The following ARHGEF4 variants were observed in gnomAD, a reference collection of about 807,000 sequenced individuals.
The protein encoded by ARHGEF4 is Rho guanine nucleotide exchange factor 4, also known as APC-stimulated guanine nucleotide exchange factor 1.
ARHGEF4 carries 119 observed loss-of-function variants against 162.0 expected under a neutral mutation model. That is an observed-to-expected ratio of 0.73 (90% CI 0.63 to 0.86). The LOEUF (loss-of-function observed/expected upper bound fraction) is 0.86. Among genes scored for constraint, ARHGEF4 ranks in the 40% least tolerant of loss-of-function variants. ARHGEF4 has a pLI of 0.00. For synonymous variants in ARHGEF4, 1,014 were observed against 979.9 expected (o/e 1.03, Z -0.65); for missense variants, 2,488 against 2,456.0 (o/e 1.01, Z -0.28).
At chr2:130,921,552 A>G (rs189461057) in intron 2 of ARHGEF4, among the ~76,000 whole-genome samples, 13 of 152,286 alleles carry the variant, frequency 8.5e-5, no homozygotes, top group African/African-American at 2.9e-4. Context: ...TCTCATTAGG[A>G]GTATCCTTTG....
chr2:130,998,455 T>TCC (rs1687547075), intron 4 of ARHGEF4, among the ~76,000 whole-genome samples: 1 of 152,178 alleles, frequency 6.6e-6, no homozygotes, highest in East Asian at 1.9e-4. Context: ...GCCCTAATGA[T>TCC]CCCCTGCACT....
chr2:130,991,607 T>C (rs1686984313), intron 4 of ARHGEF4, among the ~76,000 whole-genome samples: 2 of 152,120 alleles, frequency 1.3e-5, no homozygotes, highest in Non-Finnish European at 2.9e-5. Context: ...CTGCAGAGGG[T>C]GTACTGGGTT....
At chr2:130,844,415 CA>C (rs1307071669) in intron 1 of ARHGEF4, among the ~76,000 whole-genome samples, 3 of 152,226 alleles carry the variant, frequency 2.0e-5, no homozygotes, top group Non-Finnish European at 4.4e-5. Context: ...TGGCCAGATG[CA>C]AACCCCGGCA....
chr2:131,012,366 C>G (rs2105334827), intron 4 of ARHGEF4, among the ~76,000 whole-genome samples: 2 of 152,278 alleles, frequency 1.3e-5, no homozygotes, highest in South Asian at 4.1e-4. Context: ...CCTAGAGCTT[C>G]CTTTGACCAC....
At chr2:130,958,294 G>A (rs1271088964) in intron 4 of ARHGEF4, among the ~76,000 whole-genome samples, 1 of 152,148 alleles carries the variant, frequency 6.6e-6, no homozygotes, top group East Asian at 1.9e-4. Context: ...TGTAAAGGGG[G>A]AGAGGGGAAT....
At chr2:130,882,135 T>A (rs1679234170) in intron 1 of ARHGEF4, among the ~76,000 whole-genome samples, 1 of 152,208 alleles carries the variant, frequency 6.6e-6, no homozygotes, top group South Asian at 2.1e-4. Context: ...TATTCTCAGC[T>A]CCTTTCACAA....
chr2:130,841,740 G>A lies in ARHGEF4; in HGVS notation c.39+4748G>A, dbSNP rs193238621. Among the ~76,000 whole-genome samples the A allele has an allele frequency of 1.4e-4, 22 of 152,292 alleles. No homozygotes were observed. In the East Asian group the frequency reaches 4.1e-3, roughly 28 times the overall value. ...TCCTTTTGGCTCCCCTGGAGACATG[G>A]TTAGGGATGTTGTACAGGTTGCTCT... On this transcript the variant is annotated intron_variant, in intron 1 of 13. Coordinates refer to ENST00000409359, the MANE Select transcript of ARHGEF4 (RefSeq NM_001367493.1).
chr2:131,047,222 T>C lies in ARHGEF4; in HGVS notation c.*1033T>C, dbSNP rs1691330195. 1 of 152,242 alleles carries C rather than the reference T, an allele frequency of 6.6e-6. No homozygotes were observed. The highest frequency in any genetic ancestry group is 1.5e-5 in the Non-Finnish European group (1 of 68,044). 9.4% of individuals were successfully genotyped at this position (152,242 alleles called of 1,614,324 possible). On this transcript the variant is annotated 3_prime_UTR_variant, in exon 14 of 14. Coordinates refer to ENST00000409359, the MANE Select transcript of ARHGEF4 (RefSeq NM_001367493.1). ...TTCCTTCTCCAAGCCAGAAACCACA[T>C]TTAATTTCATAAATAAATTTATGAA... is the stretch of plus-strand genomic sequence containing the variant.
intron 1 of ARHGEF4, among the ~76,000 whole-genome samples, chr2:130,877,255 T>A (rs184539016): frequency 0.012 from 1,863 of 152,140 alleles, 19 homozygotes; most frequent in Non-Finnish European, 0.02. Context: ...TGTGCTTTTT[T>A]AAAAAAAATC....
At position 131,044,314 on chromosome 2, in the gene ARHGEF4, G is replaced by A. The variant is rs767784717; in HGVS notation, c.5173G>A (p.Asp1725Asn). ...CATCTGGCAGGACCTGCTCCGCCGC[G>A]ACGTGTTGTACTACAAGGGCCGGCT... ...IYCKKDLLRR[D>N]VLYYKGRLDM... The change falls in exon 12 of 14, where the codon GAC becomes AAC. Residue 1725 changes from aspartate (D) to asparagine (N), a missense_variant. This residue lies in a region of ARHGEF4 where 415 missense variants were observed against 512.4 expected (regional missense o/e 0.81). Transcript: ENST00000409359. 4.7e-5 allele frequency: 75 copies of A among 1,610,556 alleles called. No individual in the cohort carries two copies. Among genetic ancestry groups the A allele is most frequent in the Admixed American group, 1.7e-4 (10 of 59,734 alleles).
At chr2:130,920,905 C>T (rs1681833221) in intron 2 of ARHGEF4, among the ~76,000 whole-genome samples, 1 of 152,172 alleles carries the variant, frequency 6.6e-6, no homozygotes, top group Non-Finnish European at 1.5e-5. Flanking sequence ...AGAAGACTTA[C>T]AGAACAGCAT....
intron 1 of ARHGEF4, among the ~76,000 whole-genome samples, chr2:130,864,689 A>C (rs538365514): frequency 6.6e-6 from 1 of 152,314 alleles, no homozygotes; most frequent in Non-Finnish European, 1.5e-5. Flanking sequence ...ATGCCACTGC[A>C]CTCCAATCTG....
chr2:130,953,370 C>T (rs1368165594), intron 4 of ARHGEF4, among the ~76,000 whole-genome samples: 2 of 152,186 alleles, frequency 1.3e-5, no homozygotes, highest in East Asian at 3.8e-4. Flanking sequence ...AAAGCTGAAA[C>T]TGGATCCTTT....
At chr2:130,841,910 T>TG (rs1249389362) in intron 1 of ARHGEF4, among the ~76,000 whole-genome samples, 1 of 152,216 alleles carries the variant, frequency 6.6e-6, no homozygotes, top group Non-Finnish European at 1.5e-5. Context: ...GACTCCAGCA[T>TG]GGGGGGCGCA....
intron 4 of ARHGEF4, among the ~76,000 whole-genome samples, chr2:130,965,851 A>C (rs1290501562): frequency 6.6e-6 from 1 of 152,164 alleles, no homozygotes; most frequent in East Asian, 1.9e-4. Context: ...CGATGCTTGC[A>C]TGAAGATCTG....
chr2:131,029,138 A>G (rs756117339), intron 5 of ARHGEF4, among the ~76,000 whole-genome samples: 4 of 152,178 alleles, frequency 2.6e-5, no homozygotes, highest in Non-Finnish European at 5.9e-5. Flanking sequence ...AGACGGGTGT[A>G]TCACCTGAGA....
chr2:130,909,340 A>C (rs1173182046), intron 1 of ARHGEF4, among the ~76,000 whole-genome samples: 1 of 152,236 alleles, frequency 6.6e-6, no homozygotes, highest in East Asian at 1.9e-4. Flanking sequence ...CAGCAATAGA[A>C]GGAATGAATT....
intron 4 of ARHGEF4, among the ~76,000 whole-genome samples, chr2:130,966,356 T>C (rs1224960398): frequency 1.3e-5 from 2 of 152,214 alleles, no homozygotes; most frequent in African/African-American, 2.4e-5. Flanking sequence ...GAACTAGCTA[T>C]TTCCTGTCCC....
intron 4 of ARHGEF4, among the ~76,000 whole-genome samples, chr2:131,026,297 T>G (rs1481660107): frequency 6.6e-6 from 1 of 152,174 alleles, no homozygotes; most frequent in South Asian, 2.1e-4. Flanking sequence ...CAGAGAAGAA[T>G]ATCATTATGA....
Sources: gnomAD v4.1 joint callset for allele counts (sites outside exome capture counted in the v4.1 genomes callset) on GRCh38, gnomAD v4.1.1 for gene constraint, gnomAD v4.1.1 regional missense constraint, MANE v1.5 for transcripts, NCBI Gene and HGNC (gene_info 2026-07-23, HGNC 2026-07-21) for gene names.